The following EIPR1 variants were observed in gnomAD, a reference collection of about 807,000 sequenced individuals.
The protein encoded by EIPR1 is EARP and GARP complex-interacting protein 1.
EIPR1 carries 25 observed loss-of-function variants against 48.1 expected under a neutral mutation model. The observed-to-expected ratio is 0.52, with a 90% CI of 0.38 to 0.73. The LOEUF is 0.73. Among genes scored for constraint, EIPR1 ranks in the 30% least tolerant of loss-of-function variants. The probability of loss-of-function intolerance (pLI) is 0.00; values close to 1 mark genes in which losing one functional copy is unlikely to be tolerated. For synonymous variants in EIPR1, 204 were observed against 201.9 expected, an observed-to-expected ratio of 1.01 and a Z score of -0.09; for missense variants, 415 against 506.2, an observed-to-expected ratio of 0.82 and a Z score of 1.73.
intron 5 of EIPR1, among the ~76,000 whole-genome samples, chr2:3,199,069 C>G (rs553861105): frequency 3.8e-5 from 2 of 52,554 alleles, no homozygotes; most frequent in East Asian, 2.9e-4. Context: ...GGGCCCCCCC[C>G]CCGCCCCGGG....
intron 2 of EIPR1, among the ~76,000 whole-genome samples, chr2:3,345,461 C>T: frequency 7.2e-6 from 1 of 139,154 alleles, no homozygotes; most frequent in South Asian, 2.3e-4. Context: ...CCCGTCTCTA[C>T]TAAAAATATA....
chr2:3,362,883 G>A (rs997722662), intron 1 of EIPR1, among the ~76,000 whole-genome samples: 4 of 152,158 alleles, frequency 2.6e-5, no homozygotes, highest in African/African-American at 7.2e-5. Flanking sequence ...CCCTGGAGGG[G>A]ACAACAGCAA....
chr2:3,235,331 AT>A (rs1441310367), intron 4 of EIPR1, among the ~76,000 whole-genome samples: 6 of 152,254 alleles, frequency 3.9e-5, no homozygotes, highest in Admixed American at 3.9e-4. Context: ...CATCTGAAGA[AT>A]AAGAGCTATG....
At chr2:3,254,369 G>A (rs1234781069) in intron 4 of EIPR1, among the ~76,000 whole-genome samples, 1 of 152,184 alleles carries the variant, frequency 6.6e-6, no homozygotes, top group African/African-American at 2.4e-5. Flanking sequence ...ACAAAAACCT[G>A]TTCATTAATA....
At chr2:3,229,398 T>A (rs567791798) in intron 4 of EIPR1, among the ~76,000 whole-genome samples, 1 of 152,356 alleles carries the variant, frequency 6.6e-6, no homozygotes, top group African/African-American at 2.4e-5. Context: ...TCCAGGGCAA[T>A]AACACCAAAA....
intron 3 of EIPR1, chr2:3,319,184 A>T: frequency 2.9e-6 from 1 of 339,274 alleles, no homozygotes; most frequent in Non-Finnish European, 5.9e-6. Flanking sequence ...AGAAGAAAAC[A>T]TGTTTATACA....
chr2:3,279,764 G>A (rs1332275315), intron 3 of EIPR1, among the ~76,000 whole-genome samples: 1 of 152,226 alleles, frequency 6.6e-6, no homozygotes, highest in Non-Finnish European at 1.5e-5. Context: ...GACGCGCAGA[G>A]CTGTGAGGTG....
intron 3 of EIPR1, among the ~76,000 whole-genome samples, chr2:3,322,400 G>A (rs1226808377): frequency 6.6e-6 from 1 of 152,188 alleles, no homozygotes; most frequent in Non-Finnish European, 1.5e-5. Context: ...TTTTCAAAAA[G>A]GCAAATGACA....
intron 3 of EIPR1, among the ~76,000 whole-genome samples, chr2:3,295,299 CCACA>C (rs1668523074): frequency 2.1e-5 from 2 of 97,468 alleles, no homozygotes; most frequent in African/African-American, 4.0e-5. Context: ...CGTCCTCTCT[CCACA>C]CACACCCTCC....
rs1667622594 is a variant in EIPR1, at chr2:3,269,515, A to AT, written c.260-12061_260-12060insA. Among the ~76,000 whole-genome samples, 12 of 25,494 alleles carry AT rather than the reference A, an allele frequency of 4.7e-4. 2 individuals are homozygous for AT. The highest frequency in any genetic ancestry group is 1.9e-3 in the East Asian group (1 of 526). The allele number at this position is 25,494 out of a possible 152,430, so 16.7% of individuals were successfully genotyped here. The stretch of plus-strand genomic sequence containing the variant: ...TCAATCATCGCACTCAATCATCATC[A>AT]CACTCAATCATCGCACTCAGTCATC... On this transcript the variant is annotated intron_variant, in intron 3 of 8. Coordinates refer to ENST00000382125, the MANE Select transcript of EIPR1 (RefSeq NM_003310.5).
Position 3,377,641 on chromosome 2 carries a change from G to A in EIPR1, c.42+7C>T. On this transcript the variant is annotated splice_region_variant and intron_variant, in intron 1 of 8. Transcript: ENST00000382125. ...GAGCAGCACCTGCCGCCCTCCCAGT[G>A]ACCCACCTGGAACTCCAGCCCGTAG... is the stretch of plus-strand genomic sequence containing the variant. 1 of 1,571,836 alleles carries A rather than the reference G, an allele frequency of 6.4e-7. No individual in the cohort carries two copies. Among genetic ancestry groups the A allele is most frequent in the Non-Finnish European group, 8.6e-7 (1 of 1,157,998 alleles).
At chr2:3,237,690 G>C (rs1161374954) in intron 4 of EIPR1, among the ~76,000 whole-genome samples, 1 of 152,200 alleles carries the variant, frequency 6.6e-6, no homozygotes, top group Non-Finnish European at 1.5e-5. Flanking sequence ...GGCAAGCGTG[G>C]AATGCTGCGG....
intron 4 of EIPR1, among the ~76,000 whole-genome samples, chr2:3,246,748 AGAGGAAGAGAGG>A (rs1180218748): frequency 7.1e-6 from 1 of 140,318 alleles, no homozygotes; most frequent in Non-Finnish European, 1.5e-5. Context: ...TGGGAGGGAG[AGAGGAAGAGAGG>A]GAGGAAGGGA....
chr2:3,205,456 A>T (rs1489707688), intron 5 of EIPR1, among the ~76,000 whole-genome samples: 1 of 152,254 alleles, frequency 6.6e-6, no homozygotes, highest in Non-Finnish European at 1.5e-5. Flanking sequence ...GGCAGAAAGC[A>T]GTCACATGTG....
At chr2:3,316,294 C>T (rs1236249285) in intron 3 of EIPR1, among the ~76,000 whole-genome samples, 1 of 152,090 alleles carries the variant, frequency 6.6e-6, no homozygotes, top group South Asian at 2.1e-4. Context: ...ACCCCTCTAC[C>T]CTCATGCTTT....
intron 4 of EIPR1, among the ~76,000 whole-genome samples, chr2:3,234,368 C>G (rs1402897551): frequency 6.6e-6 from 1 of 152,206 alleles, no homozygotes; most frequent in Admixed American, 6.5e-5. Flanking sequence ...GTTTCTCTAC[C>G]TTTTCCATCT....
Position 3,304,279 on chromosome 2 carries a change from A to G in EIPR1, c.259+33738T>C, listed in dbSNP as rs114189848. Among the ~76,000 whole-genome samples the G allele has an allele frequency of 5.7e-3, 863 of 152,304 alleles. 6 individuals carry two copies. The highest frequency in any genetic ancestry group is 0.019 in the African/African-American group (810 of 41,556). On this transcript the variant is annotated intron_variant, in intron 3 of 8. Coordinates refer to ENST00000382125, the MANE Select transcript of EIPR1 (RefSeq NM_003310.5). ...TGAGATGGCCAGGGCTGAGGAACAAAGTGTCCAGGGTTCCCAGCGTTTCTC... is the reference window on the plus strand; with the variant it reads ...TGAGATGGCCAGGGCTGAGGAACAAGGTGTCCAGGGTTCCCAGCGTTTCTC...
intron 3 of EIPR1, among the ~76,000 whole-genome samples, chr2:3,310,513 C>T (rs865790202): frequency 2.8e-5 from 4 of 144,876 alleles, no homozygotes; most frequent in Non-Finnish European, 4.5e-5. Flanking sequence ...ATTAGCCGGG[C>T]GTAGTGGCGG....
chr2:3,291,008 G>T (rs556041642), intron 3 of EIPR1, among the ~76,000 whole-genome samples: 1 of 152,290 alleles, frequency 6.6e-6, no homozygotes, highest in South Asian at 2.1e-4. Flanking sequence ...TTTCTGATTA[G>T]GAAGTAAACT....
Sources: gnomAD v4.1 joint callset for allele counts (sites outside exome capture counted in the v4.1 genomes callset) on GRCh38, gnomAD v4.1.1 for gene constraint, MANE v1.5 for transcripts, NCBI Gene and HGNC (gene_info 2026-07-23, HGNC 2026-07-21) for gene names.